PRKG1: variants seen among roughly 807,000 people sequenced by gnomAD.
PRKG1 encodes the protein protein kinase cGMP-dependent 1.
In PRKG1, 35 loss-of-function variants were observed where a neutral mutation model predicts 88.1. The observed-to-expected ratio is 0.40, with a 90% confidence interval of 0.30 to 0.53. The LOEUF is 0.53. Among genes scored for constraint, PRKG1 ranks in the 20% least tolerant of loss-of-function variants. The pLI is 0.59. For missense variants in PRKG1, 540 were observed against 839.8 expected, an observed-to-expected ratio of 0.64 and a Z score of 4.41; for synonymous variants, 303 against 292.5, an observed-to-expected ratio of 1.04 and a Z score of -0.37.
intron 3 of PRKG1, among the ~76,000 whole-genome samples, chr10:51,486,164 A>G (rs1015567402): frequency 6.6e-6 from 1 of 152,108 alleles, no homozygotes; most frequent in Non-Finnish European, 1.5e-5. Context: ...TGTAGGCACT[A>G]TACTTTACAG....
chr10:51,101,794 T>C (rs1844687850), intron 1 of PRKG1, among the ~76,000 whole-genome samples: 1 of 152,134 alleles, frequency 6.6e-6, no homozygotes, highest in African/African-American at 2.4e-5. Flanking sequence ...TGAGAAGCGA[T>C]TGGATTTTTG....
chr10:51,174,110 A>C (rs1354892191), intron 2 of PRKG1, among the ~76,000 whole-genome samples: 2 of 151,910 alleles, frequency 1.3e-5, no homozygotes, highest in Non-Finnish European at 2.9e-5. Flanking sequence ...TAAGTATGTG[A>C]GGTAACGGAT....
intron 3 of PRKG1, among the ~76,000 whole-genome samples, chr10:51,514,318 C>G (rs1589035576): frequency 6.6e-6 from 1 of 152,124 alleles, no homozygotes; most frequent in Non-Finnish European, 1.5e-5. Context: ...CGTGGTTATA[C>G]TAGTGTGTTC....
At chr10:51,174,983 G>A (rs1837152015) in intron 2 of PRKG1, among the ~76,000 whole-genome samples, 1 of 151,882 alleles carries the variant, frequency 6.6e-6, no homozygotes, top group African/African-American at 2.4e-5. Context: ...TATACGTTGT[G>A]AGTAATTTTT....
chr10:51,070,834 A>G (rs568220140), upstream of PRKG1, among the ~76,000 whole-genome samples: 2 of 152,322 alleles, frequency 1.3e-5, no homozygotes, highest in South Asian at 2.1e-4. Context: ...CTTTGCTTCT[A>G]TTAAAGTTAT....
intron 9 of PRKG1, among the ~76,000 whole-genome samples, chr10:52,173,942 T>C (rs757204129): frequency 6.6e-6 from 1 of 152,234 alleles, no homozygotes; most frequent in East Asian, 1.9e-4. Flanking sequence ...TAATTACTTA[T>C]CAGTTTTACT....
At chr10:51,288,199 A>G (rs1364747341) in intron 2 of PRKG1, among the ~76,000 whole-genome samples, 1 of 151,868 alleles carries the variant, frequency 6.6e-6, no homozygotes, top group Non-Finnish European at 1.5e-5. Context: ...TGTGCAGGTT[A>G]GTTACATATG....
chr10:51,001,704 G>A (rs7893613), intron 1 of PRKG1, among the ~76,000 whole-genome samples: 42,493 of 151,860 alleles, frequency 0.28, 6,005 homozygotes, highest in South Asian at 0.32. Context: ...TTGAGTAGAA[G>A]TACCCTCCTA....
At chr10:51,413,357 T>A (rs1281618877) in intron 2 of PRKG1, among the ~76,000 whole-genome samples, 1 of 138,322 alleles carries the variant, frequency 7.2e-6, no homozygotes, top group Non-Finnish European at 1.7e-5. Context: ...TTTTTTTTGT[T>A]TTTTGTTTGT....
intron 2 of PRKG1, among the ~76,000 whole-genome samples, chr10:51,189,837 G>C (rs2132038422): frequency 6.6e-6 from 1 of 152,018 alleles, no homozygotes; most frequent in Non-Finnish European, 1.5e-5. Flanking sequence ...TATATATTTT[G>C]TATTTATTTA....
intron 9 of PRKG1, among the ~76,000 whole-genome samples, chr10:52,173,513 A>T (rs1465080075): frequency 5.3e-5 from 8 of 152,226 alleles, no homozygotes; most frequent in Non-Finnish European, 1.0e-4. Flanking sequence ...AATTGTTTTG[A>T]TACAATGAAC....
chr10:52,103,172 C>T (rs1847335967), intron 7 of PRKG1, among the ~76,000 whole-genome samples: 1 of 152,124 alleles, frequency 6.6e-6, no homozygotes, highest in Admixed American at 6.5e-5. Context: ...AATCCCATGC[C>T]CCCCATCCTG....
At chr10:51,661,412 G>A (rs1343249646) in intron 3 of PRKG1, among the ~76,000 whole-genome samples, 2 of 152,060 alleles carry the variant, frequency 1.3e-5, no homozygotes, top group African/African-American at 4.8e-5. Context: ...TCAAAAAGTG[G>A]GCAAAGGATA....
intron 5 of PRKG1, among the ~76,000 whole-genome samples, chr10:52,034,779 G>GT (rs1046797478): frequency 1.3e-5 from 2 of 152,098 alleles, no homozygotes; most frequent in East Asian, 1.9e-4. Context: ...GGGATGACAA[G>GT]TTTTTTGCGG....
intron 1 of PRKG1, among the ~76,000 whole-genome samples, chr10:51,008,270 A>C (rs1013275287): frequency 6.6e-6 from 1 of 152,042 alleles, no homozygotes; most frequent in Non-Finnish European, 1.5e-5. Context: ...ATTTGCTATA[A>C]CTCCTTGAGA....
At chr10:51,188,626 T>C (rs79802248) in intron 2 of PRKG1, among the ~76,000 whole-genome samples, 2,004 of 152,050 alleles carry the variant, frequency 0.013, 34 homozygotes, top group African/African-American at 0.044. Context: ...CATTTTAAAA[T>C]GACAGAATAT....
chr10:52,232,260 G>A (rs1251968794), intron 9 of PRKG1, among the ~76,000 whole-genome samples: 2 of 151,716 alleles, frequency 1.3e-5, no homozygotes, highest in Admixed American at 6.6e-5. Context: ...CCGAGATCAC[G>A]CCATTACACT....
intron 5 of PRKG1, among the ~76,000 whole-genome samples, chr10:51,970,391 C>CTT (rs542608917): frequency 1.3e-5 from 2 of 149,644 alleles, no homozygotes; most frequent in Non-Finnish European, 3.0e-5. Flanking sequence ...TTTCTACAAC[C>CTT]TTTTTTTTTG....
Position 51,162,603 on chromosome 10 carries a change from C to T in PRKG1, c.478+9273C>T, listed in dbSNP as rs558614898. ...GTTACATTAATGATTTGTGTAGAATCTTTTATTTGTCTAATTCATCCAACT... is the reference window on the plus strand; with the variant it reads ...GTTACATTAATGATTTGTGTAGAATTTTTTATTTGTCTAATTCATCCAACT... On this transcript the variant is annotated intron_variant, in intron 2 of 17. Transcript: ENST00000373980. Among the ~76,000 whole-genome samples the T allele has an allele frequency of 7.2e-5, 11 of 152,180 alleles. No homozygotes were observed. The South Asian group carries it at 2.3e-3, about 32-fold the overall frequency.
Sources: allele counts gnomAD v4.1 joint callset (sites outside exome capture counted in the v4.1 genomes callset), GRCh38; gene constraint gnomAD v4.1.1; transcripts MANE v1.5; gene names NCBI Gene and HGNC (gene_info 2026-07-23, HGNC 2026-07-21).